The following RBFOX1 variants were observed in gnomAD, a reference collection of about 807,000 sequenced individuals.
RBFOX1 encodes the protein RNA binding protein fox-1 homolog 1.
A neutral mutation model predicts 57.7 loss-of-function variants in RBFOX1; 8 were observed. The ratio of observed to expected loss-of-function variants is 0.14; its 90% confidence interval spans 0.08 to 0.25. RBFOX1 has a LOEUF of 0.25. Ranked by LOEUF, RBFOX1 falls within the 10% of genes least tolerant of loss-of-function variation. The pLI, the probability that RBFOX1 is intolerant of heterozygous loss-of-function variation, is 1.00. For synonymous variants in RBFOX1, 326 were observed against 222.4 expected (o/e 1.47, Z -4.15); for missense variants, 611 against 548.5 (o/e 1.11, Z -1.14).
chr16:6,786,191 C>G (rs1214666642), intron 3 of RBFOX1, among the ~76,000 whole-genome samples: 1 of 152,142 alleles, frequency 6.6e-6, no homozygotes, highest in Non-Finnish European at 1.5e-5. Flanking sequence ...CCTGTTGACT[C>G]CTCATTCCTT....
chr16:6,500,686 C>G (rs1259185719), intron 2 of RBFOX1, among the ~76,000 whole-genome samples: 1 of 152,008 alleles, frequency 6.6e-6, no homozygotes, highest in African/African-American at 2.4e-5. Context: ...GCATTGAACT[C>G]AGGGTCTTAG....
At chr16:6,134,304 T>A (rs1287852723) in intron 1 of RBFOX1, among the ~76,000 whole-genome samples, 1 of 152,208 alleles carries the variant, frequency 6.6e-6, no homozygotes, top group East Asian at 1.9e-4. Flanking sequence ...GTTTTACGTA[T>A]ATTTTTACGG....
chr16:7,154,084 A>G (rs1292235940), intron 4 of RBFOX1, among the ~76,000 whole-genome samples: 1 of 152,214 alleles, frequency 6.6e-6, no homozygotes, highest in Non-Finnish European at 1.5e-5. Flanking sequence ...GCTAGAACTT[A>G]CAGGGGAATA....
intron 1 of RBFOX1, among the ~76,000 whole-genome samples, chr16:6,173,754 C>T (rs1002416518): frequency 2.0e-5 from 3 of 152,090 alleles, no homozygotes; most frequent in South Asian, 2.1e-4. Flanking sequence ...GGGCTATAGG[C>T]GTATGGCACC....
At chr16:7,685,596 G>T (rs2075895263) in intron 14 of RBFOX1, among the ~76,000 whole-genome samples, 1 of 152,114 alleles carries the variant, frequency 6.6e-6, no homozygotes, top group African/African-American at 2.4e-5. Context: ...AACTGAAAGA[G>T]GTGGTGCAAA....
At chr16:7,268,317 C>T (rs1049512594) in intron 4 of RBFOX1, among the ~76,000 whole-genome samples, 4 of 152,112 alleles carry the variant, frequency 2.6e-5, no homozygotes, top group Admixed American at 1.3e-4. Flanking sequence ...CAGTAGGGGG[C>T]AAAAGTGGAA....
intron 3 of RBFOX1, among the ~76,000 whole-genome samples, chr16:6,713,746 T>C (rs2064187628): frequency 6.6e-6 from 1 of 152,194 alleles, no homozygotes; most frequent in Non-Finnish European, 1.5e-5. Context: ...ACCTCCTTAG[T>C]TATGGCTGGC....
At chr16:5,849,560 A>G (rs552463470) in intron 3 of RBFOX1, among the ~76,000 whole-genome samples, 15 of 152,036 alleles carry the variant, frequency 9.9e-5, no homozygotes, top group African/African-American at 3.6e-4. Context: ...TCCATCCCAC[A>G]TGGTTCTCAA....
At chr16:7,666,643 T>A (rs998399162) in intron 13 of RBFOX1, among the ~76,000 whole-genome samples, 4 of 152,126 alleles carry the variant, frequency 2.6e-5, no homozygotes, top group Admixed American at 1.3e-4. Flanking sequence ...CTCATTTAAG[T>A]GAGTGCGAGT....
At chr16:7,330,787 G>A (rs973630753) in intron 4 of RBFOX1, among the ~76,000 whole-genome samples, 6 of 152,032 alleles carry the variant, frequency 3.9e-5, no homozygotes, top group Non-Finnish European at 5.9e-5. Flanking sequence ...AATTTGATCT[G>A]ACACAGGCCT....
At chr16:6,011,398 C>A (rs2094960536) in intron 4 of RBFOX1, among the ~76,000 whole-genome samples, 1 of 151,810 alleles carries the variant, frequency 6.6e-6, no homozygotes, top group South Asian at 2.1e-4. Flanking sequence ...GCCTTTGGAT[C>A]CCCTATACAT....
chr16:7,156,595 A>G (rs909604984), intron 4 of RBFOX1, among the ~76,000 whole-genome samples: 2 of 152,144 alleles, frequency 1.3e-5, no homozygotes, highest in African/African-American at 4.8e-5. Flanking sequence ...GCAGATATAC[A>G]TATATGTGTA....
intron 4 of RBFOX1, among the ~76,000 whole-genome samples, chr16:7,059,186 C>G (rs1323692438): frequency 3.3e-5 from 5 of 152,114 alleles, no homozygotes; most frequent in Admixed American, 2.6e-4. Flanking sequence ...TCAGAGATAC[C>G]TTCTCCCGCT....
At chr16:7,342,904 G>T (rs747988761) in intron 4 of RBFOX1, among the ~76,000 whole-genome samples, 1 of 152,242 alleles carries the variant, frequency 6.6e-6, no homozygotes, top group East Asian at 1.9e-4. Flanking sequence ...CAGTAGAGTC[G>T]GAAGTTAATT....
At chr16:7,627,329 C>G (rs1054836374) in intron 10 of RBFOX1, among the ~76,000 whole-genome samples, 2 of 152,076 alleles carry the variant, frequency 1.3e-5, no homozygotes, top group Non-Finnish European at 2.9e-5. Flanking sequence ...TGTGAGGATT[C>G]CAGGCCAATA....
chr16:6,625,157 TAAAAAAAAAAAA>T lies in RBFOX1; in HGVS notation c.-63-29429_-63-29418del, dbSNP rs34634402. ...TCCATCCTCGGCCACCAACCCTATC[TAAAAAAAAAAAA>T]AAAAAAAAAAAAAAAAGGTATTCTG... On this transcript the variant is annotated intron_variant, in intron 2 of 15. Transcript: ENST00000550418. 7.5e-3 allele frequency among the ~76,000 whole-genome samples: 425 copies of T among 56,350 alleles called. 3 individuals carry two copies. Among genetic ancestry groups the T allele is most frequent in the Middle Eastern group, 0.02 (1 of 50 alleles). 37.0% of individuals were successfully genotyped at this position (56,350 alleles called of 152,430 possible).
chr16:5,506,854 G>T (rs775362393), intron 2 of RBFOX1, among the ~76,000 whole-genome samples: 3 of 152,086 alleles, frequency 2.0e-5, no homozygotes, highest in African/African-American at 7.2e-5. Context: ...TCCAGCTATA[G>T]ATCCTTTTAG....
intron 4 of RBFOX1, among the ~76,000 whole-genome samples, chr16:7,392,937 G>C (rs1322312160): frequency 3.3e-5 from 5 of 152,090 alleles, no homozygotes; most frequent in Non-Finnish European, 7.4e-5. Context: ...GCAGTGGCAT[G>C]ATCTCGGCTC....
rs141224771 is a variant in RBFOX1, at chr16:7,399,094, T to C, written c.28-119053T>C. On this transcript the variant is annotated intron_variant, in intron 4 of 15. Transcript: ENST00000550418. ...ACCTCAGCATCACGTAATATACTCA[T>C]GTAACAAAGCTGCACTTGTACCCCC... Among the ~76,000 whole-genome samples, 7 of 152,304 alleles carry C rather than the reference T, an allele frequency of 4.6e-5. No homozygotes were observed. The East Asian group carries it at 1.4e-3, about 29-fold the overall frequency.
Sources: allele counts gnomAD v4.1 joint callset (sites outside exome capture counted in the v4.1 genomes callset), GRCh38; gene constraint gnomAD v4.1.1; transcripts MANE v1.5; gene names NCBI Gene and HGNC (gene_info 2026-07-23, HGNC 2026-07-21).